The following C9orf85 variants were observed in gnomAD, a reference collection of about 807,000 sequenced individuals.
The protein encoded by C9orf85 is uncharacterized protein C9orf85.
Under a neutral mutation model 14.9 loss-of-function variants are expected in C9orf85, and 16 were observed. That is an observed-to-expected ratio of 1.08 (90% confidence interval 0.73 to 1.63). The LOEUF (loss-of-function observed/expected upper bound fraction) is 1.63. Among genes scored for constraint, C9orf85 ranks in the 40% most tolerant of loss-of-function variants. The pLI is 0.00. For synonymous variants in C9orf85, 45 were observed against 56.8 expected (o/e 0.79, Z 0.93); for missense variants, 172 against 186.1 (o/e 0.92, Z 0.44).
intron 1 of C9orf85, among the ~76,000 whole-genome samples, chr9:71,925,267 T>C (rs1489641778): frequency 1.3e-5 from 2 of 152,206 alleles, no homozygotes; most frequent in Non-Finnish European, 2.9e-5. Flanking sequence ...AGGCCTGTAA[T>C]CCCAGCACTC....
downstream of C9orf85, among the ~76,000 whole-genome samples, chr9:71,973,765 C>G (rs886991543): frequency 6.6e-6 from 1 of 151,706 alleles, no homozygotes. Flanking sequence ...CCATAGTTGG[C>G]ACTATTCTGA....
At chr9:71,963,669 GGCTTA>G (rs1452134521) in intron 2 of C9orf85, among the ~76,000 whole-genome samples, 2 of 152,230 alleles carry the variant, frequency 1.3e-5, no homozygotes, top group Non-Finnish European at 2.9e-5. Flanking sequence ...GGCAATGAGG[GGCTTA>G]GCACCCAGGC....
downstream of C9orf85, chr9:71,986,021 A>G (rs1334996955): frequency 6.6e-6 from 1 of 152,276 alleles, no homozygotes. Flanking sequence ...ATTGTGATAT[A>G]TATTTACAAT....
At chr9:71,974,533 A>T (rs1412333668), downstream of C9orf85, among the ~76,000 whole-genome samples, 1 of 152,008 alleles carries the variant, frequency 6.6e-6, no homozygotes, top group African/African-American at 2.4e-5. Flanking sequence ...ATGAGCCTCC[A>T]CATCTGGCCC....
intron 1 of C9orf85, among the ~76,000 whole-genome samples, chr9:71,929,202 T>C (rs998955079): frequency 2.6e-5 from 4 of 152,214 alleles, no homozygotes; most frequent in Non-Finnish European, 1.5e-5. Context: ...ACATTACCAA[T>C]TATTATGTTT....
chr9:71,984,543 A>T (rs1823174293), downstream of C9orf85: 2 of 152,246 alleles, frequency 1.3e-5, no homozygotes, highest in African/African-American at 4.8e-5. Context: ...CAGTTCAGGG[A>T]GCCACTAAGG....
chr9:71,913,235 G>A (rs1283541503), intron 1 of C9orf85, among the ~76,000 whole-genome samples: 1 of 152,046 alleles, frequency 6.6e-6, no homozygotes, highest in Non-Finnish European at 1.5e-5. Flanking sequence ...ATCTGTTTTT[G>A]GTAACCTGTG....
intron 1 of C9orf85, among the ~76,000 whole-genome samples, chr9:71,925,924 C>G (rs1443714807): frequency 2.6e-5 from 4 of 152,080 alleles, no homozygotes; most frequent in Non-Finnish European, 5.9e-5. Context: ...CAGTAAAACT[C>G]TAGAATAATG....
At chr9:71,957,114 A>G (rs1156478766) in intron 2 of C9orf85, among the ~76,000 whole-genome samples, 2 of 152,150 alleles carry the variant, frequency 1.3e-5, no homozygotes, top group African/African-American at 4.8e-5. Flanking sequence ...GCACCGGCCA[A>G]GACTGACTTT....
At chr9:71,943,684 A>C (rs1375454534) in intron 1 of C9orf85, among the ~76,000 whole-genome samples, 1 of 151,846 alleles carries the variant, frequency 6.6e-6, no homozygotes, top group Non-Finnish European at 1.5e-5. Context: ...CTAGGATTAC[A>C]GGCATGCGCC....
intron 2 of C9orf85, among the ~76,000 whole-genome samples, chr9:71,953,084 GAC>G (rs1293087852): frequency 3.3e-5 from 5 of 152,084 alleles, no homozygotes; most frequent in Non-Finnish European, 5.9e-5. Context: ...GGGTGCTACT[GAC>G]ACACAGTGTA....
intron 1 of C9orf85, among the ~76,000 whole-genome samples, chr9:71,933,402 T>C (rs901176622): frequency 3.3e-5 from 5 of 152,208 alleles, no homozygotes; most frequent in African/African-American, 9.6e-5. Context: ...CCCCCTGTTA[T>C]ATGCAGGAGG....
At chr9:71,971,845 G>A (rs980964797) in intron 3 of C9orf85, among the ~76,000 whole-genome samples, 1 of 151,868 alleles carries the variant, frequency 6.6e-6, no homozygotes, top group Non-Finnish European at 1.5e-5. Flanking sequence ...ACAGTGGCAG[G>A]CGCCTGTAAT....
rs1821957081 is a variant in C9orf85, at chr9:71,942,477, C to T, written c.103-4529C>T. On this transcript the variant is annotated intron_variant, in intron 1 of 3. Transcript: ENST00000334731. ...CACTCCTGACTGCTTTGTAATTTCCCTCCTGCCCTTACTTTTCTCTCATTC... is the reference window on the plus strand; with the variant it reads ...CACTCCTGACTGCTTTGTAATTTCCTTCCTGCCCTTACTTTTCTCTCATTC... Among the ~76,000 whole-genome samples the T allele has an allele frequency of 2.0e-5, 3 of 152,314 alleles. No homozygotes were observed. In the South Asian group the frequency reaches 6.2e-4, roughly 32 times the overall value.
intron 3 of C9orf85, among the ~76,000 whole-genome samples, chr9:71,981,037 C>A (rs557453438): frequency 4.6e-5 from 7 of 152,270 alleles, no homozygotes; most frequent in Non-Finnish European, 7.4e-5. Flanking sequence ...ATACTACTGT[C>A]CGTAAATGTG....
At chr9:71,975,701 G>A (rs930381101), downstream of C9orf85, among the ~76,000 whole-genome samples, 5 of 150,348 alleles carry the variant, frequency 3.3e-5, no homozygotes, top group African/African-American at 9.8e-5. Context: ...GCCTGGTGGC[G>A]CATCCCTGTA....
At chr9:71,950,116 A>G (rs1454192683) in intron 2 of C9orf85, among the ~76,000 whole-genome samples, 2 of 152,228 alleles carry the variant, frequency 1.3e-5, no homozygotes, top group Admixed American at 1.3e-4. Flanking sequence ...CACATTAGAC[A>G]TACTGGAAAG....
chr9:71,929,832 G>A, intron 1 of C9orf85, among the ~76,000 whole-genome samples: 1 of 111,424 alleles, frequency 9.0e-6, no homozygotes, highest in Non-Finnish European at 2.0e-5. Context: ...AGGAACACAT[G>A]TTCCACTTGT....
At chr9:71,935,361 A>G (rs1275073916) in intron 1 of C9orf85, among the ~76,000 whole-genome samples, 2 of 152,206 alleles carry the variant, frequency 1.3e-5, no homozygotes, top group Non-Finnish European at 2.9e-5. Context: ...AAGCAACTGA[A>G]GTATCCATCT....
Sources: gnomAD v4.1 joint callset for allele counts (sites outside exome capture counted in the v4.1 genomes callset) on GRCh38, gnomAD v4.1.1 for gene constraint, MANE v1.5 for transcripts, NCBI Gene and HGNC (gene_info 2026-07-23, HGNC 2026-07-21) for gene names.